The following EPHA7 variants were observed in gnomAD, a reference collection of about 807,000 sequenced individuals.
EPHA7 encodes the protein ephrin type-A receptor 7.
In EPHA7, 25 loss-of-function variants were observed where a neutral mutation model predicts 112.6. The observed-to-expected ratio is 0.22, with a 90% CI of 0.16 to 0.31. EPHA7 has a LOEUF of 0.31. Among genes scored for constraint, EPHA7 ranks in the 10% least tolerant of loss-of-function variants. The pLI is 1.00. For synonymous variants in EPHA7, 437 were observed against 406.5 expected (o/e 1.07, Z -0.90); for missense variants, 962 against 1,212.6 (o/e 0.79, Z 3.07).
chr6:93,307,375 A>G (rs866425739), intron 5 of EPHA7, among the ~76,000 whole-genome samples: 19 of 152,136 alleles, frequency 1.2e-4, no homozygotes, highest in African/African-American at 3.1e-4. Context: ...TCTGACACTG[A>G]TAACACATTG....
chr6:93,325,318 G>A (rs538190207), intron 5 of EPHA7, among the ~76,000 whole-genome samples: 36 of 151,326 alleles, frequency 2.4e-4, no homozygotes, highest in Non-Finnish European at 4.0e-4. Flanking sequence ...AATTATTTAA[G>A]TGAGGAGTTC....
intron 5 of EPHA7, among the ~76,000 whole-genome samples, chr6:93,339,966 G>A (rs1018507763): frequency 1.1e-4 from 16 of 151,534 alleles, no homozygotes; most frequent in Admixed American, 3.3e-4. Context: ...AATTCAAAAT[G>A]GTGTTACAGG....
In EPHA7 at chr6:93,332,696, T is replaced by C. The variant is rs57093516; in HGVS notation, c.1324+24021A>G. On this transcript the variant is annotated intron_variant, in intron 5 of 16. Transcript: ENST00000369303. ...AAAATGCCTTAAAATTTCAATACAA[T>C]TAAGTAAAAAATATGATTTAGAGTA... Among the ~76,000 whole-genome samples, 1,196 of 151,728 alleles carry C rather than the reference T, an allele frequency of 7.9e-3. 13 individuals are homozygous for C. Among genetic ancestry groups the C allele is most frequent in the African/African-American group, 0.026 (1,061 of 41,480 alleles).
intron 1 of EPHA7, among the ~76,000 whole-genome samples, chr6:93,416,220 T>C (rs1779215626): frequency 1.3e-5 from 2 of 152,200 alleles, no homozygotes; most frequent in African/African-American, 2.4e-5. Flanking sequence ...CGAATTTATA[T>C]AAAAAGTAAT....
intron 9 of EPHA7, chr6:93,260,765 C>G: frequency 1.0e-6 from 1 of 974,624 alleles, no homozygotes. Flanking sequence ...GACAGATGCT[C>G]ATTTGTTACT....
chr6:93,414,889 T>G, intron 1 of EPHA7, 122 bp from the exon 2 acceptor site: 1 of 724,398 alleles, frequency 1.4e-6, no homozygotes, highest in South Asian at 1.8e-5. Flanking sequence ...TAGTTATTTA[T>G]GTAAATCAAT....
chr6:93,298,739 G>A (rs1481743820), intron 5 of EPHA7, among the ~76,000 whole-genome samples: 2 of 152,118 alleles, frequency 1.3e-5, no homozygotes, highest in Non-Finnish European at 2.9e-5. Flanking sequence ...TTTGATAAGG[G>A]CTCTTGGTAG....
At chr6:93,287,191 T>C (rs963890200) in intron 5 of EPHA7, among the ~76,000 whole-genome samples, 37 of 152,164 alleles carry the variant, frequency 2.4e-4, no homozygotes, top group Non-Finnish European at 1.2e-4. Flanking sequence ...GTGTAAACTC[T>C]CCCATGAAAA....
intron 5 of EPHA7, among the ~76,000 whole-genome samples, chr6:93,332,858 A>G (rs952503395): frequency 1.8e-4 from 28 of 151,808 alleles, no homozygotes; most frequent in African/African-American, 6.5e-4. Flanking sequence ...CTAATTTCAT[A>G]TTTATTTTTA....
intron 1 of EPHA7, among the ~76,000 whole-genome samples, chr6:93,418,997 C>G (rs75111000): frequency 0.018 from 2,707 of 152,312 alleles, 57 homozygotes; most frequent in African/African-American, 0.055. Flanking sequence ...CCAGACTGCC[C>G]GCGCCAGAAA....
intron 5 of EPHA7, among the ~76,000 whole-genome samples, chr6:93,347,074 A>G (rs1262964715): frequency 6.6e-6 from 1 of 151,836 alleles, no homozygotes; most frequent in Non-Finnish European, 1.5e-5. Flanking sequence ...TTTTTTGAAG[A>G]GGATGCTTAA....
intron 3 of EPHA7, among the ~76,000 whole-genome samples, chr6:93,379,137 A>C (rs1356308191): frequency 3.3e-5 from 5 of 152,138 alleles, no homozygotes; most frequent in African/African-American, 1.2e-4. Context: ...TACACATGGG[A>C]TAGTTGGCAC....
intron 10 of EPHA7, among the ~76,000 whole-genome samples, 175 bp from the exon 11 acceptor site, chr6:93,258,459 T>A (rs1482795855): frequency 1.3e-5 from 2 of 151,990 alleles, no homozygotes; most frequent in Non-Finnish European, 1.5e-5. Flanking sequence ...TACATTCCCA[T>A]ATATAGGGGA....
At chr6:93,246,558 T>C (rs1314416258) in intron 15 of EPHA7, among the ~76,000 whole-genome samples, 3 of 152,204 alleles carry the variant, frequency 2.0e-5, no homozygotes, top group African/African-American at 7.2e-5. Flanking sequence ...TAAAAGCAGC[T>C]AGTGATACTT....
intron 5 of EPHA7, among the ~76,000 whole-genome samples, chr6:93,312,929 AAC>A (rs1332245683): frequency 1.3e-5 from 2 of 152,166 alleles, no homozygotes; most frequent in African/African-American, 4.8e-5. Context: ...GAGCAGTTGG[AAC>A]ACACACAGCA....
At chr6:93,298,410 C>T (rs926772684) in intron 5 of EPHA7, among the ~76,000 whole-genome samples, 2 of 151,928 alleles carry the variant, frequency 1.3e-5, no homozygotes, top group African/African-American at 4.8e-5. Flanking sequence ...AGCCATAAAC[C>T]ATTAAGCAAA....
intron 5 of EPHA7, among the ~76,000 whole-genome samples, chr6:93,284,550 T>C (rs377010778): frequency 6.6e-6 from 1 of 152,192 alleles, no homozygotes; most frequent in South Asian, 2.1e-4. Flanking sequence ...CATATGTTTA[T>C]TGTGGCACTG....
chr6:93,327,954 G>T (rs1308263341), intron 5 of EPHA7, among the ~76,000 whole-genome samples: 1 of 151,416 alleles, frequency 6.6e-6, no homozygotes, highest in Non-Finnish European at 1.5e-5. Flanking sequence ...TGACTTGCAA[G>T]GTCTAACACA....
intron 6 of EPHA7, among the ~76,000 whole-genome samples, chr6:93,271,981 G>GGGCTGT (rs1201257259): frequency 4.6e-5 from 7 of 151,638 alleles, no homozygotes; most frequent in Non-Finnish European, 8.8e-5. Flanking sequence ...AAAATGCATT[G>GGGCTGT]GGCTGTGTGG....
Sources: allele counts gnomAD v4.1 joint callset (sites outside exome capture counted in the v4.1 genomes callset), GRCh38; gene constraint gnomAD v4.1.1; transcripts MANE v1.5; gene names NCBI Gene and HGNC (gene_info 2026-07-23, HGNC 2026-07-21).